ANKRD42: variants seen among roughly 807,000 people sequenced by gnomAD.
The protein encoded by ANKRD42 is ankyrin repeat domain-containing protein 42.
A neutral mutation model predicts 51.5 loss-of-function variants in ANKRD42; 43 were observed. That is an observed-to-expected ratio of 0.83 (90% CI 0.65 to 1.08). The LOEUF is 1.08. ANKRD42 is among the 50% of genes least tolerant of loss of function. The pLI is 0.00. For synonymous variants in ANKRD42, 203 were observed against 213.0 expected (o/e 0.95, Z 0.41); for missense variants, 608 against 629.3 (o/e 0.97, Z 0.36).
intron 3 of ANKRD42, among the ~76,000 whole-genome samples, chr11:83,208,212 T>TGGGGG: frequency 6.6e-6 from 1 of 150,614 alleles, no homozygotes; most frequent in African/African-American, 2.5e-5. Context: ...GAGATGTCTG[T>TGGGGG]GGGAGGGGGG....
At chr11:83,226,428 C>T (rs1372219799) in intron 6 of ANKRD42, among the ~76,000 whole-genome samples, 1 of 152,000 alleles carries the variant, frequency 6.6e-6, no homozygotes, top group African/African-American at 2.4e-5. Flanking sequence ...TACTTGGTTA[C>T]CAAAGAATTC....
chr11:83,217,629 C>G (rs1862582751), intron 5 of ANKRD42, among the ~76,000 whole-genome samples: 1 of 152,196 alleles, frequency 6.6e-6, no homozygotes, highest in Non-Finnish European at 1.5e-5. Context: ...GGCACTTGCC[C>G]TGGCCACCCT....
intron 6 of ANKRD42, among the ~76,000 whole-genome samples, chr11:83,227,244 C>T (rs1209607971): frequency 2.0e-5 from 3 of 152,116 alleles, no homozygotes; most frequent in Admixed American, 6.5e-5. Context: ...TCCTGAGTAG[C>T]TGTGATTACA....
chr11:83,249,006 T>G (rs1455738447), downstream of ANKRD42: 2 of 981,330 alleles, frequency 2.0e-6, no homozygotes, highest in Non-Finnish European at 2.4e-6. Flanking sequence ...CCTCTTCTTG[T>G]ACGATCTTTA....
chr11:83,218,443 G>A (rs1200768950), intron 5 of ANKRD42, among the ~76,000 whole-genome samples: 3 of 152,176 alleles, frequency 2.0e-5, no homozygotes, highest in Non-Finnish European at 4.4e-5. Flanking sequence ...AGGACTTAAG[G>A]TCTGATCAAG....
At chr11:83,204,798 A>G (rs1422499463) in intron 2 of ANKRD42, among the ~76,000 whole-genome samples, 2 of 152,216 alleles carry the variant, frequency 1.3e-5, no homozygotes, top group African/African-American at 2.4e-5. Context: ...ACCAGATTAT[A>G]TAAGGAACTC....
At chr11:83,236,137 T>C (rs1384910948) in intron 7 of ANKRD42, among the ~76,000 whole-genome samples, 2 of 152,218 alleles carry the variant, frequency 1.3e-5, no homozygotes, top group Non-Finnish European at 2.9e-5. Flanking sequence ...AATAAATACA[T>C]AAATAACCTT....
At chr11:83,243,604 T>C (rs1476462380) in intron 9 of ANKRD42, among the ~76,000 whole-genome samples, 1 of 152,208 alleles carries the variant, frequency 6.6e-6, no homozygotes, top group African/African-American at 2.4e-5. Context: ...TTATGGTGGT[T>C]CCCAAACCTG....
rs72952665 is a variant in ANKRD42 at position 83,209,369 on chromosome 11, C to T, written c.331-931C>T. 1,436 of 1,524,332 alleles carry T rather than the reference C, an allele frequency of 9.4e-4. 1 individual carries two copies. The highest frequency in any genetic ancestry group is 1.2e-3 in the Non-Finnish European group (1,364 of 1,121,304). The allele number at this position is 1,524,332 out of a possible 1,614,324, so 94.4% of individuals were successfully genotyped here. On this transcript the variant is annotated intron_variant, in intron 3 of 10. Transcript: ENST00000533342. ...GGGAGTTGCTTGGAGGTTGGCAGCG[C>T]GGGGCTGCAGGCTAGCAAACCGAGC...
At chr11:83,198,421 T>C (rs1861742516) in intron 1 of ANKRD42, 58 bp from the exon 2 acceptor site, 55 of 1,492,402 alleles carry the variant, frequency 3.7e-5, no homozygotes, top group Non-Finnish European at 4.9e-5. Flanking sequence ...ACTGTTTTAG[T>C]CTTTTTTTTT....
intron 3 of ANKRD42, chr11:83,209,870 C>G (rs922119802): frequency 2.1e-6 from 1 of 470,924 alleles, no homozygotes; most frequent in African/African-American, 2.0e-5. Flanking sequence ...GAATATGACC[C>G]CAGAAGCCAC....
At chr11:83,205,909 C>A in intron 2 of ANKRD42, 149 bp from the exon 3 acceptor site, 1 of 619,220 alleles carries the variant, frequency 1.6e-6, no homozygotes, top group Non-Finnish European at 2.8e-6. Context: ...ATGTTGGTTG[C>A]CATGTCACTG....
rs760312208 is a variant in ANKRD42, at chr11:83,240,922, A to C, written c.1183A>C (p.Thr395Pro). The change falls in exon 9 of 11, where the codon ACA becomes CCA. Residue 395 changes from threonine to proline, a missense_variant. Transcript: ENST00000533342. ...TTTATGTCTGAGTGACTTGGATAAAACAGATGCCAGAAGTAAGTATGCTGC... is the reference window on the plus strand; with the variant it reads ...TTTATGTCTGAGTGACTTGGATAAACCAGATGCCAGAAGTAAGTATGCTGC... ...DDLCLSDLDK[T>P]DARMRAYKKI... The C allele has an allele frequency of 6.2e-7, 1 of 1,612,152 alleles. No individual in the cohort carries two copies. Among genetic ancestry groups the C allele is most frequent in the South Asian group, 1.1e-5 (1 of 90,834 alleles).
chr11:83,261,855 C>T, downstream of ANKRD42: 3 of 1,278,386 alleles, frequency 2.3e-6, no homozygotes, highest in Non-Finnish European at 3.3e-6. Flanking sequence ...CAAAGTAAAT[C>T]TCTCCCGGTT....
rs1325194824 is a variant in ANKRD42 at position 83,238,831 on chromosome 11, C to T, written c.1020-1928C>T. ...GGCAACAAGAGCGAAACTCTGTCTC[C>T]GAAAAAAAAAAAAAAATTCAAAAAA... On this transcript the variant is annotated intron_variant, in intron 8 of 10. Transcript: ENST00000533342. Among the ~76,000 whole-genome samples the T allele has an allele frequency of 1.2e-4, 17 of 146,450 alleles. 1 individual carries two copies. The highest frequency in any genetic ancestry group is 3.1e-4 in the African/African-American group (12 of 39,150).
intron 5 of ANKRD42, among the ~76,000 whole-genome samples, chr11:83,218,483 C>G (rs904649833): frequency 1.5e-4 from 23 of 152,312 alleles, no homozygotes; most frequent in African/African-American, 5.5e-4. Flanking sequence ...CATGCTAGAT[C>G]AGAGGACTGC....
intron 2 of ANKRD42, among the ~76,000 whole-genome samples, chr11:83,203,752 T>A (rs1395342246): frequency 6.6e-6 from 1 of 152,212 alleles, no homozygotes; most frequent in Non-Finnish European, 1.5e-5. Context: ...TTCTGAATTT[T>A]CTTAAGATTT....
At chr11:83,236,760 A>T (rs1863236511) in intron 8 of ANKRD42, among the ~76,000 whole-genome samples, 2 of 152,170 alleles carry the variant, frequency 1.3e-5, no homozygotes, top group African/African-American at 4.8e-5. Context: ...ATGTTGGGGA[A>T]GGTTGTCACA....
chr11:83,194,545 C>G lies in ANKRD42; in HGVS notation c.-126C>G. On this transcript the variant is annotated 5_prime_UTR_variant, in exon 1 of 11. Transcript: ENST00000533342. ...GAGAGCAAGAGAGGACCTTGGGCCCCGTCCTAGTGACGACGGAGAAGAGGG... is the reference window on the plus strand; with the variant it reads ...GAGAGCAAGAGAGGACCTTGGGCCCGGTCCTAGTGACGACGGAGAAGAGGG... 1 of 890,692 alleles carries G rather than the reference C, an allele frequency of 1.1e-6. No homozygotes were observed. The allele number at this position is 890,692 out of a possible 1,614,324, so 55.2% of individuals were successfully genotyped here.
Sources: allele counts gnomAD v4.1 joint callset (sites outside exome capture counted in the v4.1 genomes callset), GRCh38; gene constraint gnomAD v4.1.1; transcripts MANE v1.5; gene names NCBI Gene and HGNC (gene_info 2026-07-23, HGNC 2026-07-21).